SYNE2: variants seen among roughly 807,000 people sequenced by gnomAD.
SYNE2 encodes the protein spectrin repeat containing nuclear envelope protein 2, also known as nesprin-2.
SYNE2 carries 431 observed loss-of-function variants against 856.3 expected under a neutral mutation model. The observed-to-expected ratio is 0.50, with a 90% CI of 0.47 to 0.55. The LOEUF (loss-of-function observed/expected upper bound fraction) is 0.55. SYNE2 is among the 20% of genes least tolerant of loss of function. SYNE2 has a pLI of 0.00. For synonymous variants in SYNE2, 2,923 were observed against 2,872.3 expected, an observed-to-expected ratio of 1.02 and a Z score of -0.56; for missense variants, 8,129 against 8,023.2, an observed-to-expected ratio of 1.01 and a Z score of -0.50.
At chr14:64,216,437 T>TA (rs768836761) in intron 108 of SYNE2, 50 bp downstream of exon 108, 1 of 1,589,014 alleles carries the variant, frequency 6.3e-7, no homozygotes, top group South Asian at 1.1e-5. Flanking sequence ...GAGTCATACT[T>TA]ACATTTGCAA....
chr14:63,931,063 C>T (rs1028008709), intron 2 of SYNE2, among the ~76,000 whole-genome samples: 2 of 152,082 alleles, frequency 1.3e-5, no homozygotes, highest in African/African-American at 4.8e-5. Context: ...CAGTCATTGT[C>T]ATCATAGAAT....
In SYNE2 at chr14:64,125,115, A is replaced by G. The variant is rs370050400; in HGVS notation, c.13459A>G (p.Met4487Val). The change falls in exon 71 of 116, where the codon ATG becomes GTG. Residue 4487 changes from methionine to valine, a missense_variant. This residue lies in a region of SYNE2 where 5,410 missense variants were observed against 5,284.8 expected (regional missense o/e 1.02). Coordinates refer to ENST00000555002, the MANE Select transcript of SYNE2 (RefSeq NM_182914.3). ...TNMGILPSVTMYNFRYPTTEE... is the reference protein window; with the variant it reads ...TNMGILPSVTVYNFRYPTTEE... ...TATGGGTATTCTACCCAGCGTGACT[A>G]TGTATAACTTTAGATACCCAACAAC... 1.4e-5 allele frequency: 23 copies of G among 1,614,212 alleles called. No individual in the cohort carries two copies. Among genetic ancestry groups the G allele is most frequent in the East Asian group, 4.5e-5 (2 of 44,882 alleles).
At chr14:63,914,907 A>G (rs2095516565) in intron 2 of SYNE2, among the ~76,000 whole-genome samples, 1 of 152,130 alleles carries the variant, frequency 6.6e-6, no homozygotes, top group Non-Finnish European at 1.5e-5. Context: ...CCACCTGAGT[A>G]GCTGGGATTA....
intron 51 of SYNE2, among the ~76,000 whole-genome samples, chr14:64,070,319 A>C (rs2097395908): frequency 2.6e-5 from 4 of 152,226 alleles, no homozygotes; most frequent in Non-Finnish European, 5.9e-5. Context: ...AGTTTGGTGG[A>C]GCTCATGTGC....
intron 54 of SYNE2, among the ~76,000 whole-genome samples, chr14:64,077,033 G>C (rs1341256177): frequency 6.6e-6 from 1 of 152,012 alleles, no homozygotes; most frequent in Non-Finnish European, 1.5e-5. Context: ...TAAATGTTAT[G>C]CTCATGAATA....
At chr14:63,883,017 G>A (rs1474925697) in intron 1 of SYNE2, among the ~76,000 whole-genome samples, 1 of 150,920 alleles carries the variant, frequency 6.6e-6, no homozygotes, top group Non-Finnish European at 1.5e-5. Flanking sequence ...TGAATTAGGT[G>A]GTATTTATTG....
intron 1 of SYNE2, chr14:63,762,131 A>G (rs2139681600): frequency 2.4e-6 from 1 of 409,976 alleles, no homozygotes; most frequent in Non-Finnish European, 5.1e-6. Context: ...GAAGATTCCT[A>G]TAGAAAGCAA....
chr14:64,113,623 C>T, intron 66 of SYNE2, 52 bp downstream of exon 66: 1 of 1,519,450 alleles, frequency 6.6e-7, no homozygotes, highest in Non-Finnish European at 9.0e-7. Context: ...AATCATCTGC[C>T]AAGATTGGGT....
At chr14:64,165,196 T>G in intron 89 of SYNE2, 89 bp from the exon 90 acceptor site, 1 of 1,452,878 alleles carries the variant, frequency 6.9e-7, no homozygotes, top group Admixed American at 1.7e-5. Context: ...CAAAAACATC[T>G]TGAATTTTTA....
At position 63,961,583 on chromosome 14, in the gene SYNE2, G is replaced by A. The variant is rs1414465265; in HGVS notation, c.846G>A (p.Leu282=). The change falls in exon 9 of 116, where the codon CTG becomes CTA. Residue 282 remains leucine (L), a synonymous_variant. Coordinates refer to ENST00000555002, the MANE Select transcript of SYNE2 (RefSeq NM_182914.3). ...TCATGACCTATGTGGCACAGTTTCT[G>A]CAGTATTCCAAAGATGCCCCTGGGA... The part of the protein sequence containing the change: ...KSIMTYVAQF[L]QYSKDAPGTG... The A allele has an allele frequency of 6.2e-7, 1 of 1,614,094 alleles. No individual in the cohort carries two copies. The highest frequency in any genetic ancestry group is 8.5e-7 in the Non-Finnish European group (1 of 1,179,972).
chr14:64,215,677 T>G, intron 107 of SYNE2: 1 of 466,556 alleles, frequency 2.1e-6, no homozygotes, highest in Non-Finnish European at 3.8e-6. Context: ...GCTTTCTTCA[T>G]GGTGGCTTGG....
intron 53 of SYNE2, 73 bp downstream of exon 53, chr14:64,074,209 A>C (rs2097437610): frequency 6.7e-7 from 1 of 1,487,654 alleles, no homozygotes; most frequent in Admixed American, 1.7e-5. Context: ...CTTGGGGTAG[A>C]GATAACTCAG....
chr14:64,190,375 G>T, intron 99 of SYNE2, 138 bp downstream of exon 99: 1 of 1,119,278 alleles, frequency 8.9e-7, no homozygotes. Flanking sequence ...TGATAAAAAT[G>T]AGTGGAAATT....
At chr14:63,861,935 A>G (rs776259838) in intron 1 of SYNE2, among the ~76,000 whole-genome samples, 1 of 152,240 alleles carries the variant, frequency 6.6e-6, no homozygotes, top group Admixed American at 6.5e-5. Flanking sequence ...AAAAGCAGAG[A>G]TAATAGTAAA....
At chr14:64,035,626 C>A (rs2097082003) in intron 45 of SYNE2, among the ~76,000 whole-genome samples, 1 of 151,156 alleles carries the variant, frequency 6.6e-6, no homozygotes, top group South Asian at 2.1e-4. Flanking sequence ...TAACGTAACC[C>A]TTTTATTTCA....
At chr14:64,017,311 A>T (rs1037453777) in intron 33 of SYNE2, among the ~76,000 whole-genome samples, 3 of 139,544 alleles carry the variant, frequency 2.1e-5, no homozygotes, top group African/African-American at 8.0e-5. Flanking sequence ...CCTGGGCGAC[A>T]GAGCAAGACT....
chr14:63,854,709 G>A (rs1336781621), intron 1 of SYNE2, among the ~76,000 whole-genome samples: 2 of 152,148 alleles, frequency 1.3e-5, no homozygotes, highest in Non-Finnish European at 2.9e-5. Context: ...CCTTAAAATT[G>A]TTTGAAAAAT....
chr14:63,786,218 C>A (rs1566565415), intron 1 of SYNE2, among the ~76,000 whole-genome samples: 1 of 150,964 alleles, frequency 6.6e-6, no homozygotes, highest in Non-Finnish European at 1.5e-5. Context: ...CCACTGCACT[C>A]CAGTCTGGGC....
chr14:63,948,024 T>A (rs550716400), intron 6 of SYNE2, among the ~76,000 whole-genome samples: 31 of 152,366 alleles, frequency 2.0e-4, no homozygotes, highest in African/African-American at 7.0e-4. Context: ...AGTCTTGATA[T>A]CCGACAGTGT....
Sources: gnomAD v4.1 joint callset for allele counts (sites outside exome capture counted in the v4.1 genomes callset) on GRCh38, gnomAD v4.1.1 for gene constraint, gnomAD v4.1.1 regional missense constraint, MANE v1.5 for transcripts, NCBI Gene and HGNC (gene_info 2026-07-23, HGNC 2026-07-21) for gene names.